GALNT7: variants seen among roughly 807,000 people sequenced by gnomAD.
The protein encoded by GALNT7 is polypeptide N-acetylgalactosaminyltransferase 7, also known as N-acetylgalactosaminyltransferase 7.
Under a neutral mutation model 82.1 loss-of-function variants are expected in GALNT7, and 60 were observed. The observed-to-expected ratio is 0.73, with a 90% confidence interval of 0.59 to 0.91. The LOEUF is 0.91. GALNT7 is among the 40% of genes least tolerant of loss of function. The probability of loss-of-function intolerance (pLI) is 0.00; values close to 1 mark genes in which losing one functional copy is unlikely to be tolerated. For synonymous variants in GALNT7, 243 were observed against 275.1 expected (o/e 0.88, Z 1.15); for missense variants, 660 against 804.2 (o/e 0.82, Z 2.17).
chr4:173,178,526 C>T (rs1253963082), intron 1 of GALNT7, among the ~76,000 whole-genome samples: 8 of 152,152 alleles, frequency 5.3e-5, no homozygotes. Flanking sequence ...CTGAATATTT[C>T]CAAATGAGAA....
chr4:173,306,855 T>C (rs559468209), intron 8 of GALNT7, among the ~76,000 whole-genome samples: 5 of 152,362 alleles, frequency 3.3e-5, no homozygotes, highest in African/African-American at 1.2e-4. Flanking sequence ...CTCTTCATTT[T>C]TCAGTTTCTT....
chr4:173,305,377 T>C (rs1181147259), intron 8 of GALNT7, among the ~76,000 whole-genome samples: 2 of 152,210 alleles, frequency 1.3e-5, no homozygotes, highest in Non-Finnish European at 2.9e-5. Flanking sequence ...TCCCATTCCA[T>C]AGATTGTCTA....
rs537694189 is a variant in GALNT7, at chr4:173,168,942, G to A, written c.107G>A (p.Ser36Asn). The A allele has an allele frequency of 2.5e-6, 4 of 1,613,690 alleles. No homozygotes were observed. The African/African-American group carries it at 4.0e-5, about 16-fold the overall frequency. ...SSLTPRPDDP[S>N]PLSRMREDRD... ...CTGACCCCGCGGCCGGACGACCCAA[G>A]CCCGCTGAGCAGGATGAGGGTGAGT... The change falls in exon 1 of 12, where the codon AGC becomes AAC. Residue 36 changes from serine (S) to asparagine (N), a missense_variant. This residue lies in a region of GALNT7 where 133 missense variants were observed against 120.7 expected (regional missense o/e 1.10). Coordinates refer to ENST00000265000, the MANE Select transcript of GALNT7 (RefSeq NM_017423.3).
At chr4:173,169,111 G>T in intron 1 of GALNT7, 150 bp downstream of exon 1, 1 of 538,230 alleles carries the variant, frequency 1.9e-6, no homozygotes, top group East Asian at 4.2e-5. Flanking sequence ...GGCCGAGGGG[G>T]TGCCGAGCCC....
intron 9 of GALNT7, chr4:173,316,068 A>T (rs1481840526): frequency 6.6e-6 from 1 of 152,238 alleles, no homozygotes; most frequent in Non-Finnish European, 1.5e-5. Context: ...AAGGCAAATC[A>T]TGTCCTTCTT....
chr4:173,168,869 T>C lies in GALNT7; in HGVS notation c.34T>C (p.Leu12=). 3 of 1,613,508 alleles carry C rather than the reference T, an allele frequency of 1.9e-6. No homozygotes were observed. The highest frequency in any genetic ancestry group is 2.5e-6 in the Non-Finnish European group (3 of 1,179,630). The change falls in exon 1 of 12, where the codon TTG becomes CTG. Residue 12 remains leucine (L), a synonymous_variant. Coordinates refer to ENST00000265000, the MANE Select transcript of GALNT7 (RefSeq NM_017423.3). ...GAAGATTGGGTTCATCTTACGCAGTTTGCTGGTGGTGGGAAGCTTCCTGGG... is the reference window on the plus strand; with the variant it reads ...GAAGATTGGGTTCATCTTACGCAGTCTGCTGGTGGTGGGAAGCTTCCTGGG... ...RLKIGFILRS[L]LVVGSFLGLV... is the part of the protein sequence containing the mutation.
At chr4:173,306,843 T>C (rs1002349191) in intron 8 of GALNT7, among the ~76,000 whole-genome samples, 1 of 152,240 alleles carries the variant, frequency 6.6e-6, no homozygotes, top group African/African-American at 2.4e-5. Context: ...TGGTATTATG[T>C]CCTCTTCATT....
Position 173,315,353 on chromosome 4 carries a change from G to A in GALNT7, c.1608+1177G>A, listed in dbSNP as rs149685970. Among the ~76,000 whole-genome samples the A allele has an allele frequency of 3.3e-5, 5 of 152,210 alleles. No individual in the cohort carries two copies. The East Asian group carries it at 9.7e-4, about 29-fold the overall frequency. On this transcript the variant is annotated intron_variant, in intron 9 of 11. Coordinates refer to ENST00000265000, the MANE Select transcript of GALNT7 (RefSeq NM_017423.3). ...GGGCAAGGCTTCTGTTGGTGTTCTG[G>A]GCATGTGAAGTACCTGCTAGGCGTC...
rs1486762353 is a variant in GALNT7, at chr4:173,193,776, T to G, written c.126+24815T>G. Reference sequence around the variant, plus strand: ...TCCCAAAACTAGTTTTTTTGGGTGGTTAAGGTTTTCATTTTTAATATCCTT... The same window carrying G: ...TCCCAAAACTAGTTTTTTTGGGTGGGTAAGGTTTTCATTTTTAATATCCTT... On this transcript the variant is annotated intron_variant, in intron 1 of 11. Coordinates refer to ENST00000265000, the MANE Select transcript of GALNT7 (RefSeq NM_017423.3). Among the ~76,000 whole-genome samples the G allele has an allele frequency of 2.0e-5, 3 of 152,154 alleles. No homozygotes were observed. The East Asian group carries it at 5.8e-4, about 29-fold the overall frequency.
chr4:173,269,265 A>T (rs1028673231), intron 2 of GALNT7, among the ~76,000 whole-genome samples: 1 of 152,198 alleles, frequency 6.6e-6, no homozygotes, highest in African/African-American at 2.4e-5. Flanking sequence ...TTGTTTTTCC[A>T]TTTAAGGAAT....
In GALNT7 at chr4:173,187,985, C is replaced by G. The variant is rs2126637332; in HGVS notation, c.126+19024C>G. ...CTTATTTCACTCTGAGGTGATAGGG[C>G]TCTTCTTTTCTATGTCTTTGCATCT... On this transcript the variant is annotated intron_variant, in intron 1 of 11. Transcript: ENST00000265000. Among the ~76,000 whole-genome samples the G allele has an allele frequency of 2.0e-5, 3 of 152,222 alleles. No homozygotes were observed. In the South Asian group the frequency reaches 6.2e-4, roughly 32 times the overall value.
Position 173,248,014 on chromosome 4 carries a change from G to C in GALNT7, c.161G>C (p.Arg54Pro). The stretch of plus-strand genomic sequence containing the variant: ...GATGTCAATGACCCCATGCCCAACC[G>C]AGGCGGCAATGGACTAGCTCCTGGG... ...DRDVNDPMPN[R>P]GGNGLAPGED... The change falls in exon 2 of 12, where the codon CGA becomes CCA. Residue 54 changes from arginine (R) to proline (P), a missense_variant. Around this residue, in one of 2 missense-constraint regions of GALNT7, gnomAD observed 133 missense variants for 120.7 expected, o/e 1.10. Coordinates refer to ENST00000265000, the MANE Select transcript of GALNT7 (RefSeq NM_017423.3). 3 of 1,613,230 alleles carry C rather than the reference G, an allele frequency of 1.9e-6. No individual in the cohort carries two copies. Among genetic ancestry groups the C allele is most frequent in the Non-Finnish European group, 2.5e-6 (3 of 1,179,450 alleles).
At chr4:173,294,533 A>G (rs1183469320) in intron 3 of GALNT7, among the ~76,000 whole-genome samples, 1 of 152,142 alleles carries the variant, frequency 6.6e-6, no homozygotes, top group East Asian at 1.9e-4. Context: ...CTGTGATTGC[A>G]TATTCATGGG....
In GALNT7 at chr4:173,268,230, A is replaced by G. The variant is rs549223885; in HGVS notation, c.587+19790A>G. The G allele has an allele frequency of 2.3e-4, 36 of 154,412 alleles. No homozygotes were observed. In the South Asian group the frequency reaches 6.8e-3, roughly 29 times the overall value. 9.6% of individuals were successfully genotyped at this position (154,412 alleles called of 1,614,324 possible). A position where few individuals can be genotyped will look rare whatever the true frequency, so the allele number is the denominator to read the frequency against. On this transcript the variant is annotated intron_variant, in intron 2 of 11. Coordinates refer to ENST00000265000, the MANE Select transcript of GALNT7 (RefSeq NM_017423.3). ...AAAAACCACAATTACTTTTGCACCA[A>G]CCTAACCTTGTTTTAGGCATGTATC... is the stretch of plus-strand genomic sequence containing the variant.
chr4:173,234,555 C>A (rs1268078307), intron 1 of GALNT7, among the ~76,000 whole-genome samples: 1 of 152,186 alleles, frequency 6.6e-6, no homozygotes, highest in African/African-American at 2.4e-5. Flanking sequence ...TCCTTCATCA[C>A]ACATATCCAA....
chr4:173,236,060 G>A (rs9684166), intron 1 of GALNT7, among the ~76,000 whole-genome samples: 13,959 of 152,172 alleles, frequency 0.092, 1,795 homozygotes, highest in African/African-American at 0.28. Context: ...CATCAGTTAG[G>A]CATTTGAAAG....
intron 1 of GALNT7, among the ~76,000 whole-genome samples, chr4:173,223,262 C>T (rs897199404): frequency 1.3e-5 from 2 of 152,128 alleles, no homozygotes; most frequent in Admixed American, 6.6e-5. Flanking sequence ...AATAAACTTC[C>T]CCTCCCTTTT....
intron 8 of GALNT7, among the ~76,000 whole-genome samples, chr4:173,305,661 T>C (rs1475525415): frequency 6.6e-6 from 1 of 152,218 alleles, no homozygotes; most frequent in Non-Finnish European, 1.5e-5. Flanking sequence ...GACTGTGTTT[T>C]CCCTCATGTG....
intron 8 of GALNT7, among the ~76,000 whole-genome samples, chr4:173,308,409 C>T (rs6840188): frequency 0.01 from 1,546 of 152,058 alleles, 28 homozygotes; most frequent in African/African-American, 0.035. Flanking sequence ...TTCTGTTATT[C>T]ACACATGAGT....
Sources: allele counts gnomAD v4.1 joint callset (sites outside exome capture counted in the v4.1 genomes callset), GRCh38; gene constraint gnomAD v4.1.1; regional missense constraint gnomAD v4.1.1; transcripts MANE v1.5; gene names NCBI Gene and HGNC (gene_info 2026-07-23, HGNC 2026-07-21).